Variants in GABRB1 observed in about 807,000 individuals in gnomAD.
GABRB1 encodes the protein gamma-aminobutyric acid type A receptor subunit beta1.
GABRB1 carries 17 observed loss-of-function variants against 51.6 expected under a neutral mutation model. That is an observed-to-expected ratio of 0.33 (90% CI 0.23 to 0.49). The LOEUF (loss-of-function observed/expected upper bound fraction) is 0.49. Ranked by LOEUF, GABRB1 falls within the 20% of genes least tolerant of loss-of-function variation. The pLI is 0.99. For synonymous variants in GABRB1, 247 were observed against 218.9 expected, an observed-to-expected ratio of 1.13 and a Z score of -1.14; for missense variants, 410 against 600.6, an observed-to-expected ratio of 0.68 and a Z score of 3.32.
chr4:47,289,430 ATT>A (rs1723644125), intron 4 of GABRB1, among the ~76,000 whole-genome samples: 1 of 152,172 alleles, frequency 6.6e-6, no homozygotes, highest in African/African-American at 2.4e-5. Context: ...GGTGGGGAAG[ATT>A]TTTCATAGAT....
At chr4:47,150,008 T>C (rs1305992453) in intron 3 of GABRB1, among the ~76,000 whole-genome samples, 1 of 151,992 alleles carries the variant, frequency 6.6e-6, no homozygotes, top group Admixed American at 6.6e-5. Flanking sequence ...TTGAGACTTT[T>C]CACACATTTG....
At chr4:47,154,281 A>G (rs1324241349) in intron 3 of GABRB1, among the ~76,000 whole-genome samples, 2 of 117,432 alleles carry the variant, frequency 1.7e-5, no homozygotes, top group Non-Finnish European at 3.5e-5. Flanking sequence ...TTCTTATCCT[A>G]AGGGGCGTTT....
intron 4 of GABRB1, among the ~76,000 whole-genome samples, chr4:47,236,010 T>A (rs927899211): frequency 2.0e-5 from 3 of 152,100 alleles, no homozygotes; most frequent in African/African-American, 7.2e-5. Flanking sequence ...TTTTTTCTTA[T>A]AATGCTTTTT....
intron 4 of GABRB1, among the ~76,000 whole-genome samples, chr4:47,193,281 C>T (rs1577989613): frequency 6.6e-6 from 1 of 152,174 alleles, no homozygotes; most frequent in Admixed American, 6.5e-5. Flanking sequence ...CGCCACCACA[C>T]CCAGCTAATT....
intron 4 of GABRB1, among the ~76,000 whole-genome samples, chr4:47,209,424 C>T (rs1414125188): frequency 6.6e-6 from 1 of 152,110 alleles, no homozygotes; most frequent in Non-Finnish European, 1.5e-5. Flanking sequence ...TAAGTTTAGA[C>T]TCAAATTTGA....
rs112035267 is a variant in GABRB1, at chr4:47,070,803, T to C, written c.240+38319T>C. 2.0e-3 allele frequency among the ~76,000 whole-genome samples: 299 copies of C among 152,308 alleles called. 1 individual carries two copies. Among genetic ancestry groups the C allele is most frequent in the African/African-American group, 6.7e-3 (280 of 41,576 alleles). On this transcript the variant is annotated intron_variant, in intron 3 of 8. Transcript: ENST00000295454. Reference sequence around the variant, plus strand: ...TTCATTCTTTAGACCTTTTCTGTTTTCCACCTACTCCATGAATGAGTTCAT... The same window carrying C: ...TTCATTCTTTAGACCTTTTCTGTTTCCCACCTACTCCATGAATGAGTTCAT...
chr4:47,032,728 T>A (rs1398983289), intron 3 of GABRB1: 1 of 697,166 alleles, frequency 1.4e-6, no homozygotes, highest in South Asian at 1.5e-5. Context: ...GACGAGTGAC[T>A]GTTGCGCCGT....
intron 4 of GABRB1, among the ~76,000 whole-genome samples, chr4:47,206,086 A>T (rs1720106159): frequency 6.6e-6 from 1 of 152,002 alleles, no homozygotes; most frequent in Admixed American, 6.6e-5. Context: ...ATATCTTAAA[A>T]CCATGAATTG....
chr4:47,296,399 C>A (rs1295692654), intron 4 of GABRB1, among the ~76,000 whole-genome samples: 6 of 151,948 alleles, frequency 3.9e-5, no homozygotes, highest in Admixed American at 1.3e-4. Flanking sequence ...GCTCAAAATA[C>A]AAGGATGGAG....
chr4:47,138,128 G>A (rs1716755518), intron 3 of GABRB1, among the ~76,000 whole-genome samples: 1 of 151,990 alleles, frequency 6.6e-6, no homozygotes, highest in Non-Finnish European at 1.5e-5. Flanking sequence ...AAAAATTGAT[G>A]GGACTCTATG....
intron 3 of GABRB1, among the ~76,000 whole-genome samples, chr4:47,038,639 T>C (rs545213854): frequency 2.0e-5 from 3 of 152,316 alleles, no homozygotes; most frequent in Non-Finnish European, 4.4e-5. Flanking sequence ...AGGGTGTTTG[T>C]CTTAGCTGAA....
chr4:47,112,711 A>G (rs1454144083), intron 3 of GABRB1, among the ~76,000 whole-genome samples: 1 of 152,092 alleles, frequency 6.6e-6, no homozygotes, highest in Admixed American at 6.6e-5. Context: ...ATCTTTATTA[A>G]GTGCCTACCT....
chr4:47,296,374 CAG>C (rs1320153605), intron 4 of GABRB1, among the ~76,000 whole-genome samples: 3 of 152,148 alleles, frequency 2.0e-5, no homozygotes, highest in Non-Finnish European at 4.4e-5. Flanking sequence ...ATCTCACATG[CAG>C]AGACACACAT....
chr4:47,190,819 C>T (rs577314541), intron 4 of GABRB1, among the ~76,000 whole-genome samples: 15 of 152,200 alleles, frequency 9.9e-5, no homozygotes, highest in Admixed American at 7.2e-4. Context: ...GTAGGGAGCA[C>T]AGTTGAGTAT....
At chr4:47,072,156 G>T (rs1342144431) in intron 3 of GABRB1, among the ~76,000 whole-genome samples, 1 of 151,860 alleles carries the variant, frequency 6.6e-6, no homozygotes. Context: ...TTTAAGTTGT[G>T]CCCTCTAAAG....
chr4:47,344,825 C>A (rs557356112), intron 5 of GABRB1, among the ~76,000 whole-genome samples: 1 of 152,084 alleles, frequency 6.6e-6, no homozygotes, highest in Non-Finnish European at 1.5e-5. Context: ...CAGGTTCAAG[C>A]GATTCTCATG....
chr4:47,350,286 T>C (rs10805155), intron 5 of GABRB1, among the ~76,000 whole-genome samples: 8 of 139,942 alleles, frequency 5.7e-5, no homozygotes, highest in African/African-American at 1.3e-4. Context: ...TATATATATA[T>C]AGAGAGAGAG....
intron 5 of GABRB1, among the ~76,000 whole-genome samples, chr4:47,373,230 C>G (rs1578130204): frequency 6.6e-6 from 1 of 152,186 alleles, no homozygotes; most frequent in East Asian, 1.9e-4. Flanking sequence ...CTTTATACCT[C>G]CTCTATCCAT....
At chr4:47,309,129 G>T (rs963442947) in intron 4 of GABRB1, among the ~76,000 whole-genome samples, 1 of 152,028 alleles carries the variant, frequency 6.6e-6, no homozygotes. Flanking sequence ...TGTGTATAAT[G>T]ATACAATTTA....
Sources: allele counts gnomAD v4.1 joint callset (sites outside exome capture counted in the v4.1 genomes callset), GRCh38; gene constraint gnomAD v4.1.1; transcripts MANE v1.5; gene names NCBI Gene and HGNC (gene_info 2026-07-23, HGNC 2026-07-21).